The following PCDH9 variants were observed in gnomAD, a reference collection of about 807,000 sequenced individuals.
The protein encoded by PCDH9 is protocadherin 9.
PCDH9 carries 24 observed loss-of-function variants against 70.6 expected under a neutral mutation model. That is an observed-to-expected ratio of 0.34 (90% CI 0.25 to 0.48). PCDH9 has a LOEUF of 0.48. Ranked by LOEUF, PCDH9 falls within the 20% of genes least tolerant of loss-of-function variation. The pLI is 0.99. For missense variants in PCDH9, 1,281 were observed against 1,503.6 expected, an observed-to-expected ratio of 0.85 and a Z score of 2.45; for synonymous variants, 562 against 558.5, an observed-to-expected ratio of 1.01 and a Z score of -0.09.
At chr13:66,952,978 C>A (rs2083208160) in intron 2 of PCDH9, among the ~76,000 whole-genome samples, 2 of 152,036 alleles carry the variant, frequency 1.3e-5, no homozygotes, top group Non-Finnish European at 2.9e-5. Flanking sequence ...TTTTTCCTAT[C>A]ATTTCTATTT....
intron 4 of PCDH9, among the ~76,000 whole-genome samples, chr13:66,480,532 A>G (rs1958817730): frequency 6.6e-6 from 1 of 152,234 alleles, no homozygotes; most frequent in Admixed American, 6.5e-5. Context: ...CTTTCTTGAA[A>G]GGTAGAATCA....
intron 4 of PCDH9, among the ~76,000 whole-genome samples, chr13:66,521,550 A>C (rs1292630843): frequency 6.6e-6 from 1 of 152,162 alleles, no homozygotes; most frequent in African/African-American, 2.4e-5. Context: ...GAGCACAGAT[A>C]CTGTTATAGT....
At chr13:67,083,086 T>C (rs974998071) in intron 2 of PCDH9, among the ~76,000 whole-genome samples, 1 of 152,112 alleles carries the variant, frequency 6.6e-6, no homozygotes, top group Non-Finnish European at 1.5e-5. Context: ...AAATGTTTTC[T>C]TCTTCTAACT....
intron 2 of PCDH9, among the ~76,000 whole-genome samples, chr13:66,955,303 T>C (rs1175785310): frequency 6.6e-6 from 1 of 152,170 alleles, no homozygotes; most frequent in Non-Finnish European, 1.5e-5. Context: ...ATCAGCTTAT[T>C]TATTAGAGCA....
intron 3 of PCDH9, among the ~76,000 whole-genome samples, chr13:66,757,274 T>C (rs1354872178): frequency 6.6e-6 from 1 of 152,212 alleles, no homozygotes; most frequent in Non-Finnish European, 1.5e-5. Flanking sequence ...ACTTCATGAA[T>C]GACAGCCATT....
At chr13:66,969,482 C>A (rs2083482974) in intron 2 of PCDH9, among the ~76,000 whole-genome samples, 1 of 151,966 alleles carries the variant, frequency 6.6e-6, no homozygotes, top group Non-Finnish European at 1.5e-5. Context: ...ATAATCCTGT[C>A]AGGTGAAAGA....
chr13:66,578,418 C>G (rs2076844753), intron 4 of PCDH9, among the ~76,000 whole-genome samples: 1 of 151,934 alleles, frequency 6.6e-6, no homozygotes, highest in Non-Finnish European at 1.5e-5. Flanking sequence ...AATAGCTACC[C>G]ACCCCACAGG....
At chr13:67,175,010 C>T (rs1246854194) in intron 2 of PCDH9, among the ~76,000 whole-genome samples, 1 of 150,186 alleles carries the variant, frequency 6.7e-6, no homozygotes, top group Non-Finnish European at 1.5e-5. Flanking sequence ...ACGGTACAAG[C>T]CTATAGTCCC....
rs1307276917 is a variant in PCDH9 at position 66,328,310 on chromosome 13, C to T, written c.3341-23282G>A. ...GACACAAATAATACTGGCTCAGCTC[C>T]GATTCAGTAGGCTCACATCATTTAA... On this transcript the variant is annotated intron_variant, in intron 4 of 4. Transcript: ENST00000377865. Among the ~76,000 whole-genome samples, 4 of 152,190 alleles carry T rather than the reference C, an allele frequency of 2.6e-5. No individual in the cohort carries two copies. The East Asian group carries it at 7.7e-4, about 29-fold the overall frequency.
In PCDH9 at chr13:67,227,795, C is replaced by T; in HGVS notation, c.646G>A (p.Asp216Asn). Residue 216 changes from aspartate to asparagine, a missense_variant, in exon 2 of 5, where the codon GAT becomes AAT. By Grantham distance (23) the Asp-to-Asn change is conservative. Transcript: ENST00000377865. The surrounding 1 kb of genome is among the most constrained non-coding windows in gnomAD (Gnocchi z 4.6). ...ACTTTGATTTTCATCACATAGGTAT[C>T]TTTCTGTTCTCTATCCAAGTTTTGC... ...VQQNLDREQKDTYVMKIKVED... is the reference protein window; with the variant it reads ...VQQNLDREQKNTYVMKIKVED... The T allele has an allele frequency of 6.2e-7, 1 of 1,614,008 alleles. No individual in the cohort carries two copies. The highest frequency in any genetic ancestry group is 8.5e-7 in the Non-Finnish European group (1 of 1,179,886).
chr13:66,910,768 A>T (rs1330451669), intron 2 of PCDH9, among the ~76,000 whole-genome samples: 2 of 152,208 alleles, frequency 1.3e-5, no homozygotes, highest in Admixed American at 6.5e-5. Flanking sequence ...CACGTACCGT[A>T]ACCAAAAAAT....
At chr13:66,495,710 C>T (rs966849896) in intron 4 of PCDH9, among the ~76,000 whole-genome samples, 3 of 152,304 alleles carry the variant, frequency 2.0e-5, no homozygotes, top group Middle Eastern at 3.4e-3. Context: ...TCTTTGACCT[C>T]TATTGGCTGC....
At chr13:66,997,586 G>C (rs961386357) in intron 2 of PCDH9, among the ~76,000 whole-genome samples, 45 of 152,138 alleles carry the variant, frequency 3.0e-4, no homozygotes, top group African/African-American at 1.1e-3. Flanking sequence ...CCAGGCTGGA[G>C]TGAAGTGGCA....
intron 3 of PCDH9, among the ~76,000 whole-genome samples, chr13:66,887,501 T>C (rs1181230073): frequency 6.6e-6 from 1 of 152,174 alleles, no homozygotes; most frequent in Non-Finnish European, 1.5e-5. Flanking sequence ...ATTTTGAAAT[T>C]TTCAAACAAA....
chr13:66,461,575 C>T lies in PCDH9; in HGVS notation c.3341-156547G>A, dbSNP rs1011135461. 6.6e-5 allele frequency among the ~76,000 whole-genome samples: 10 copies of T among 150,512 alleles called. 1 individual carries two copies. Among genetic ancestry groups the T allele is most frequent in the South Asian group, 4.2e-4 (2 of 4,784 alleles). ...AAAAAAAAAAGAAAATCATGCCTCA[C>T]GTAGATTGTGATTTTGCATTGCTTG... is the stretch of plus-strand genomic sequence containing the variant. On this transcript the variant is annotated intron_variant, in intron 4 of 4. Coordinates refer to ENST00000377865, the MANE Select transcript of PCDH9 (RefSeq NM_203487.3).
At position 66,710,409 on chromosome 13, in the gene PCDH9, C is replaced by T. The variant is rs1379372580; in HGVS notation, c.3139-78998G>A. On this transcript the variant is annotated intron_variant, in intron 3 of 4. Coordinates refer to ENST00000377865, the MANE Select transcript of PCDH9 (RefSeq NM_203487.3). Reference sequence around the variant, plus strand: ...GAAAAGTATACAAAATGACAGGACACCGATGCTCTTTGCTATGTGTGTAAT... The same window carrying T: ...GAAAAGTATACAAAATGACAGGACATCGATGCTCTTTGCTATGTGTGTAAT... Among the ~76,000 whole-genome samples the T allele has an allele frequency of 4.7e-4, 71 of 152,258 alleles. 2 individuals carry two copies. Among genetic ancestry groups the T allele is most frequent in the Non-Finnish European group, 1.3e-4 (9 of 67,988 alleles).
intron 3 of PCDH9, among the ~76,000 whole-genome samples, chr13:66,858,367 C>T (rs1173997084): frequency 1.3e-5 from 2 of 152,118 alleles, no homozygotes; most frequent in Non-Finnish European, 2.9e-5. Context: ...TCTTGTGGTA[C>T]AGATGAAATG....
chr13:66,998,375 A>C (rs1179658139), intron 2 of PCDH9, among the ~76,000 whole-genome samples: 1 of 152,204 alleles, frequency 6.6e-6, no homozygotes, highest in Non-Finnish European at 1.5e-5. Flanking sequence ...CACACATGCC[A>C]ATTAGCTAGT....
chr13:66,640,209 G>C (rs113941039), intron 3 of PCDH9, among the ~76,000 whole-genome samples: 2 of 152,176 alleles, frequency 1.3e-5, no homozygotes, highest in African/African-American at 2.4e-5. Context: ...CTTTACTTTG[G>C]ATAACAAAGT....
Sources: allele counts gnomAD v4.1 joint callset (sites outside exome capture counted in the v4.1 genomes callset), GRCh38; gene constraint gnomAD v4.1.1; non-coding constraint Gnocchi (gnomAD v3.1); transcripts MANE v1.5; gene names NCBI Gene and HGNC (gene_info 2026-07-23, HGNC 2026-07-21).